Variants in DOCK7 observed in about 807,000 individuals in gnomAD.
DOCK7 encodes the protein dedicator of cytokinesis protein 7.
DOCK7 carries 138 observed loss-of-function variants against 271.0 expected under a neutral mutation model. That is an observed-to-expected ratio of 0.51 (90% confidence interval 0.44 to 0.59). The LOEUF is 0.59. Among genes scored for constraint, DOCK7 ranks in the 20% least tolerant of loss-of-function variants. The pLI, the probability that DOCK7 is intolerant of heterozygous loss-of-function variation, is 0.00. For synonymous variants in DOCK7, 823 were observed against 876.1 expected (o/e 0.94, Z 1.07); for missense variants, 2,066 against 2,592.4 (o/e 0.80, Z 4.41).
At chr1:62,674,803 G>A (rs982092053) in intron 1 of DOCK7, among the ~76,000 whole-genome samples, 8 of 152,112 alleles carry the variant, frequency 5.3e-5, no homozygotes, top group East Asian at 1.9e-4. Context: ...AAAAACTAAC[G>A]CAAAATGGAA....
intron 18 of DOCK7, among the ~76,000 whole-genome samples, chr1:62,575,509 C>G (rs888722839): frequency 6.6e-6 from 1 of 152,190 alleles, no homozygotes; most frequent in Non-Finnish European, 1.5e-5. Flanking sequence ...ATACATTTAA[C>G]ATACGAAATA....
chr1:62,505,148 T>G (rs973915530), intron 36 of DOCK7, among the ~76,000 whole-genome samples: 1 of 152,170 alleles, frequency 6.6e-6, no homozygotes, highest in East Asian at 1.9e-4. Context: ...TTCATCAACA[T>G]CTCTGCATTC....
At chr1:62,488,814 T>C in intron 42 of DOCK7, 120 bp downstream of exon 42, 3 of 1,306,336 alleles carry the variant, frequency 2.3e-6, no homozygotes, top group Non-Finnish European at 2.2e-6. Context: ...TGACCGCTCA[T>C]TTGTAGTCTG....
chr1:62,687,632 C>G (rs1661950840), intron 1 of DOCK7: 1 of 152,290 alleles, frequency 6.6e-6, no homozygotes, highest in Non-Finnish European at 1.5e-5. Context: ...GTTTTCAATC[C>G]TGGACGCACA....
chr1:62,508,714 G>A (rs1040045655), intron 34 of DOCK7, among the ~76,000 whole-genome samples: 8 of 151,996 alleles, frequency 5.3e-5, no homozygotes, highest in Non-Finnish European at 7.4e-5. Flanking sequence ...ATACAATTTT[G>A]TCAATTATAA....
chr1:62,682,298 A>T (rs1252351350), intron 1 of DOCK7, among the ~76,000 whole-genome samples: 1 of 152,236 alleles, frequency 6.6e-6, no homozygotes, highest in Non-Finnish European at 1.5e-5. Context: ...CTTAATTTGC[A>T]ACACACTTGA....
At chr1:62,679,934 A>G (rs560428671) in intron 1 of DOCK7, among the ~76,000 whole-genome samples, 17 of 152,360 alleles carry the variant, frequency 1.1e-4, no homozygotes, top group African/African-American at 4.1e-4. Context: ...GATAGGAAGA[A>G]TCAATATCGT....
chr1:62,569,802 C>T (rs1415947466), intron 18 of DOCK7, among the ~76,000 whole-genome samples: 1 of 150,526 alleles, frequency 6.6e-6, no homozygotes, highest in East Asian at 2.0e-4. Context: ...CAACCTCCAC[C>T]TCCTGGGTTC....
chr1:62,506,062 C>T (rs564519008), intron 35 of DOCK7, among the ~76,000 whole-genome samples: 1 of 151,754 alleles, frequency 6.6e-6, no homozygotes, highest in East Asian at 1.9e-4. Context: ...GATACAATGG[C>T]AAGAAATCAT....
intron 2 of DOCK7, among the ~76,000 whole-genome samples, chr1:62,656,665 G>A (rs76170560): frequency 6.6e-6 from 1 of 152,138 alleles, no homozygotes; most frequent in African/African-American, 2.4e-5. Context: ...AAGGCTGGCC[G>A]GCAGGGACAT....
intron 23 of DOCK7, among the ~76,000 whole-genome samples, chr1:62,544,686 G>C (rs1329578836): frequency 6.6e-6 from 1 of 152,120 alleles, no homozygotes; most frequent in Non-Finnish European, 1.5e-5. Context: ...GCCATCAATT[G>C]CATAAGCAGC....
At chr1:62,475,180 T>C (rs563108934) in intron 47 of DOCK7, 28 bp downstream of exon 47, 2 of 1,592,778 alleles carry the variant, frequency 1.3e-6, no homozygotes, top group South Asian at 2.3e-5. Context: ...ACAGCTTAAA[T>C]CACACAGTGC....
At chr1:62,572,413 CTTAA>C (rs1646811735) in intron 18 of DOCK7, among the ~76,000 whole-genome samples, 1 of 152,214 alleles carries the variant, frequency 6.6e-6, no homozygotes, top group South Asian at 2.1e-4. Flanking sequence ...TACTGTAAGT[CTTAA>C]TTATTCTCAT....
At chr1:62,545,940 TTGGAC>T (rs1344145804) in intron 22 of DOCK7, among the ~76,000 whole-genome samples, 1 of 152,134 alleles carries the variant, frequency 6.6e-6, no homozygotes, top group Non-Finnish European at 1.5e-5. Context: ...ATTCAGTAAT[TTGGAC>T]TGGGGACTTG....
chr1:62,496,204 T>C (rs1008041417), intron 38 of DOCK7, 135 bp downstream of exon 38: 1 of 907,828 alleles, frequency 1.1e-6, no homozygotes, highest in Non-Finnish European at 1.7e-6. Context: ...CAGTCCTATC[T>C]ATGGCACATG....
chr1:62,460,098 CAAAAA>C (rs71053316), intron 48 of DOCK7, among the ~76,000 whole-genome samples: 5 of 66,020 alleles, frequency 7.6e-5, no homozygotes, highest in African/African-American at 1.2e-4. Context: ...AGACTCGTCT[CAAAAA>C]AAAAAAAAAA....
At chr1:62,628,615 A>G (rs905495700) in intron 11 of DOCK7, 2 of 152,230 alleles carry the variant, frequency 1.3e-5, no homozygotes, top group African/African-American at 4.8e-5. Context: ...ACATACAAGT[A>G]AATTTTGATT....
chr1:62,542,930 T>C (rs1022845734), intron 24 of DOCK7, among the ~76,000 whole-genome samples: 1 of 152,140 alleles, frequency 6.6e-6, no homozygotes, highest in Non-Finnish European at 1.5e-5. Flanking sequence ...TGCAGTAAAA[T>C]GTAATTTTAA....
At chr1:62,480,042 T>C (rs1646074875) in intron 43 of DOCK7, among the ~76,000 whole-genome samples, 1 of 152,228 alleles carries the variant, frequency 6.6e-6, no homozygotes, top group Non-Finnish European at 1.5e-5. Context: ...ATATTCCAAT[T>C]CTTCAATATT....
Sources: allele counts gnomAD v4.1 joint callset (sites outside exome capture counted in the v4.1 genomes callset), GRCh38; gene constraint gnomAD v4.1.1; transcripts MANE v1.5; gene names NCBI Gene and HGNC (gene_info 2026-07-23, HGNC 2026-07-21).